The following KIRREL3 variants were observed in gnomAD, a reference collection of about 807,000 sequenced individuals.
KIRREL3 encodes the protein kirre like nephrin family adhesion molecule 3.
KIRREL3 carries 36 observed loss-of-function variants against 89.7 expected under a neutral mutation model. That is an observed-to-expected ratio of 0.40 (90% CI 0.31 to 0.53). The LOEUF is 0.53. Ranked by LOEUF, KIRREL3 falls within the 20% of genes least tolerant of loss-of-function variation. The pLI is 0.49. For missense variants in KIRREL3, 864 were observed against 1,056.6 expected, an observed-to-expected ratio of 0.82 and a Z score of 2.53; for synonymous variants, 445 against 441.4, an observed-to-expected ratio of 1.01 and a Z score of -0.10.
At chr11:126,886,136 G>C (rs1198832903) in intron 1 of KIRREL3, among the ~76,000 whole-genome samples, 1 of 152,152 alleles carries the variant, frequency 6.6e-6, no homozygotes, top group African/African-American at 2.4e-5. Context: ...AGGCTAAGTG[G>C]TTTTGACCCA....
intron 5 of KIRREL3, among the ~76,000 whole-genome samples, chr11:126,464,850 T>C (rs11220504): frequency 0.16 from 23,947 of 152,186 alleles, 2,534 homozygotes; most frequent in East Asian, 0.39. Flanking sequence ...ATGCACCGAA[T>C]TGTGGTGCTT....
intron 1 of KIRREL3, among the ~76,000 whole-genome samples, chr11:126,833,003 A>G (rs1254541723): frequency 6.6e-6 from 1 of 152,180 alleles, no homozygotes; most frequent in Non-Finnish European, 1.5e-5. Flanking sequence ...AGGCTGCCAC[A>G]CCACCTTTAA....
chr11:126,727,755 G>A lies in KIRREL3; in HGVS notation c.56-164843C>T, dbSNP rs367884878. Among the ~76,000 whole-genome samples the A allele has an allele frequency of 3.9e-5, 6 of 152,298 alleles. No individual in the cohort carries two copies. The East Asian group carries it at 7.7e-4, about 20-fold the overall frequency. Reference sequence around the variant, plus strand: ...CTCCATCCATTTTCACAATTGCTACGGAAACGCTGTCTCTGTGAGGACAAA... The same window carrying A: ...CTCCATCCATTTTCACAATTGCTACAGAAACGCTGTCTCTGTGAGGACAAA... On this transcript the variant is annotated intron_variant, in intron 1 of 16. Coordinates refer to ENST00000525144, the MANE Select transcript of KIRREL3 (RefSeq NM_032531.4).
chr11:126,762,053 A>G (rs1262617930), intron 1 of KIRREL3, among the ~76,000 whole-genome samples: 3 of 152,014 alleles, frequency 2.0e-5, no homozygotes, highest in African/African-American at 7.3e-5. Context: ...GTGGTGTGCA[A>G]CTGGCTACCA....
Position 126,685,608 on chromosome 11 carries a change from A to T in KIRREL3, c.56-122696T>A, listed in dbSNP as rs2135115510. ...TTTCCCCTGCCAGGGCAGGCTTGGC[A>T]CTTCCCAGGATTACAGTCATAATGG... On this transcript the variant is annotated intron_variant, in intron 1 of 16. Coordinates refer to ENST00000525144, the MANE Select transcript of KIRREL3 (RefSeq NM_032531.4). The surrounding 1 kb of genome is among the most constrained non-coding windows in gnomAD (Gnocchi z 5.5). 6.6e-6 allele frequency among the ~76,000 whole-genome samples: 1 copy of T among 152,348 alleles called. No homozygotes were observed. The highest frequency in any genetic ancestry group is 2.4e-5 in the African/African-American group (1 of 41,584).
chr11:126,645,964 G>A lies in KIRREL3; in HGVS notation c.56-83052C>T, dbSNP rs1279641032. 6.6e-6 allele frequency among the ~76,000 whole-genome samples: 1 copy of A among 152,138 alleles called. No individual in the cohort carries two copies. The highest frequency in any genetic ancestry group is 1.5e-5 in the Non-Finnish European group (1 of 68,040). On this transcript the variant is annotated intron_variant, in intron 1 of 16. Transcript: ENST00000525144. The surrounding 1 kb of genome is among the most constrained non-coding windows in gnomAD (Gnocchi z 4.9). The stretch of plus-strand genomic sequence containing the variant: ...TTTTTTGTTGATACTCAAATACATA[G>A]GCGGCACTCGGAATGATGTACGAGT...
intron 1 of KIRREL3, among the ~76,000 whole-genome samples, chr11:126,619,548 C>G (rs1325026435): frequency 6.6e-6 from 1 of 152,234 alleles, no homozygotes; most frequent in African/African-American, 2.4e-5. Flanking sequence ...GGACTGTTCT[C>G]TCTTCTACTG....
At chr11:126,854,441 T>C (rs928131458) in intron 1 of KIRREL3, among the ~76,000 whole-genome samples, 1 of 152,296 alleles carries the variant, frequency 6.6e-6, no homozygotes, top group Non-Finnish European at 1.5e-5. Context: ...TGAATTTAAC[T>C]ACTCCACGGA....
intron 1 of KIRREL3, among the ~76,000 whole-genome samples, chr11:126,592,017 G>A (rs1317652944): frequency 6.6e-6 from 1 of 152,058 alleles, no homozygotes; most frequent in Non-Finnish European, 1.5e-5. Flanking sequence ...GCTGGGGGTC[G>A]CTTGCCTTTG....
rs989381639 is a variant in KIRREL3, at chr11:126,508,305, C to T, written c.433+13010G>A. Among the ~76,000 whole-genome samples the T allele has an allele frequency of 3.9e-5, 6 of 152,110 alleles. No homozygotes were observed. Among genetic ancestry groups the T allele is most frequent in the Non-Finnish European group, 8.8e-5 (6 of 68,030 alleles). On this transcript the variant is annotated intron_variant, in intron 4 of 16. Transcript: ENST00000525144. This position sits in a 1 kb window ranked among gnomAD's most constrained non-coding sequence, Gnocchi z 4.9. ...AGGCTTCTGGGTGCCTATGAACCTC[C>T]CCCTTGGAAAAACCTCCTTCACACG...
intron 1 of KIRREL3, among the ~76,000 whole-genome samples, chr11:126,854,283 G>A (rs1343598185): frequency 6.6e-6 from 1 of 152,066 alleles, no homozygotes; most frequent in Non-Finnish European, 1.5e-5. Context: ...GTAGAGTTCA[G>A]TGGCATTAAG....
intron 1 of KIRREL3, among the ~76,000 whole-genome samples, chr11:126,839,700 T>C (rs1160200719): frequency 6.6e-6 from 1 of 152,224 alleles, no homozygotes; most frequent in Non-Finnish European, 1.5e-5. Context: ...GGAAGTGTGT[T>C]ATCTCCCTGA....
chr11:126,445,977 T>G (rs2134192854), intron 9 of KIRREL3, among the ~76,000 whole-genome samples: 1 of 152,160 alleles, frequency 6.6e-6, no homozygotes, highest in East Asian at 1.9e-4. Flanking sequence ...GGAGAAACCC[T>G]GTCTCTACTA....
At position 126,923,098 on chromosome 11, in the gene KIRREL3, TCTTCTCCTTCTCCTTCTC is replaced by T. The variant is rs201230668; in HGVS notation, c.55+77339_55+77356del. On this transcript the variant is annotated intron_variant, in intron 1 of 16. Transcript: ENST00000525144. ...CTTGCCTTGTGGATCTTCTTCTTCT[TCTTCTCCTTCTCCTTCTC>T]CTTCTCCTTCTTCTCTTCTTCTTCT... 3.6e-4 allele frequency among the ~76,000 whole-genome samples: 32 copies of T among 89,158 alleles called. 1 individual carries two copies. The highest frequency in any genetic ancestry group is 1.4e-3 in the African/African-American group (29 of 20,696). The allele number at this position is 89,158 out of a possible 152,430, so 58.5% of individuals were successfully genotyped here. A position where few individuals can be genotyped will look rare whatever the true frequency, so the allele number is the denominator to read the frequency against.
Position 126,491,807 on chromosome 11 carries a change from T to C in KIRREL3, c.434-18341A>G, listed in dbSNP as rs1392667937. ...ACCTCCACCTCCCAGGTTCAAGCGATTCTCCTGCCTCAGCTGCCTGAGTAG... is the reference window on the plus strand; with the variant it reads ...ACCTCCACCTCCCAGGTTCAAGCGACTCTCCTGCCTCAGCTGCCTGAGTAG... On this transcript the variant is annotated intron_variant, in intron 4 of 16. Transcript: ENST00000525144. This position sits in a 1 kb window ranked among gnomAD's most constrained non-coding sequence, Gnocchi z 5.5. 6.6e-6 allele frequency among the ~76,000 whole-genome samples: 1 copy of C among 152,156 alleles called. No individual in the cohort carries two copies. The highest frequency in any genetic ancestry group is 2.4e-5 in the African/African-American group (1 of 41,428).
intron 7 of KIRREL3, among the ~76,000 whole-genome samples, chr11:126,451,292 GCA>G (rs1956124455): frequency 6.7e-6 from 1 of 150,316 alleles, no homozygotes; most frequent in African/African-American, 2.4e-5. Flanking sequence ...GTGCGTGTGT[GCA>G]TGTGTGCATG....
chr11:126,732,027 C>T (rs1336551610), intron 1 of KIRREL3, among the ~76,000 whole-genome samples: 1 of 152,184 alleles, frequency 6.6e-6, no homozygotes, highest in Non-Finnish European at 1.5e-5. Flanking sequence ...AGGGTGGGAC[C>T]TCACTGGCTT....
At chr11:126,868,422 C>T (rs901294166) in intron 1 of KIRREL3, among the ~76,000 whole-genome samples, 2 of 152,052 alleles carry the variant, frequency 1.3e-5, no homozygotes, top group African/African-American at 2.4e-5. Flanking sequence ...GGGAGGGCCA[C>T]GTCGCCCTAG....
At chr11:126,833,953 G>C (rs1943694922) in intron 1 of KIRREL3, among the ~76,000 whole-genome samples, 1 of 152,168 alleles carries the variant, frequency 6.6e-6, no homozygotes, top group Non-Finnish European at 1.5e-5. Flanking sequence ...CTTTGGAGTT[G>C]ACCACCTTTT....
Sources: allele counts gnomAD v4.1 joint callset (sites outside exome capture counted in the v4.1 genomes callset), GRCh38; gene constraint gnomAD v4.1.1; non-coding constraint Gnocchi (gnomAD v3.1); transcripts MANE v1.5; gene names NCBI Gene and HGNC (gene_info 2026-07-23, HGNC 2026-07-21).